Variants in ME3 observed in about 807,000 individuals in gnomAD.
ME3 encodes the protein NADP-dependent malic enzyme, mitochondrial.
In ME3, 48 loss-of-function variants were observed where a neutral mutation model predicts 68.9. The ratio of observed to expected loss-of-function variants is 0.70; its 90% CI spans 0.55 to 0.89. ME3 has a LOEUF of 0.89. Ranked by LOEUF, ME3 falls within the 40% of genes least tolerant of loss-of-function variation. The probability of loss-of-function intolerance (pLI) is 0.00; values close to 1 mark genes in which losing one functional copy is unlikely to be tolerated. For missense variants in ME3, 675 were observed against 797.4 expected (o/e 0.85, Z 1.85); for synonymous variants, 320 against 318.8 (o/e 1.00, Z -0.04).
chr11:86,573,890 A>G (rs1957941938), intron 2 of ME3, among the ~76,000 whole-genome samples: 1 of 152,186 alleles, frequency 6.6e-6, no homozygotes, highest in Admixed American at 6.5e-5. Flanking sequence ...TGAGATAATC[A>G]TGTGGTTATT....
chr11:86,537,145 G>C (rs1027199780), intron 4 of ME3, among the ~76,000 whole-genome samples: 7 of 149,196 alleles, frequency 4.7e-5, no homozygotes, highest in Non-Finnish European at 8.9e-5. Flanking sequence ...GTGGGGTGGG[G>C]GGATGGGGGA....
rs560780058 is a variant in ME3, at chr11:86,599,891, C to G, written c.184-40068G>C. Among the ~76,000 whole-genome samples the G allele has an allele frequency of 2.0e-4, 30 of 152,220 alleles. 1 individual carries two copies. In the South Asian group the frequency reaches 6.0e-3, roughly 31 times the overall value. On this transcript the variant is annotated intron_variant, in intron 2 of 14. Coordinates refer to ENST00000543262, the Ensembl canonical transcript of ME3. Reference sequence around the variant, plus strand: ...AGAAATAAAATCCTTTACAGACAAGCAAATGCTGAGAGATTTTGTCACCAC... The same window carrying G: ...AGAAATAAAATCCTTTACAGACAAGGAAATGCTGAGAGATTTTGTCACCAC...
chr11:86,515,845 T>G (rs1953861905), intron 4 of ME3, among the ~76,000 whole-genome samples: 1 of 152,162 alleles, frequency 6.6e-6, no homozygotes, highest in Admixed American at 6.5e-5. Flanking sequence ...AGTGGTATTA[T>G]CCTGCTCTGA....
chr11:86,460,911 A>T (rs1950195162), intron 8 of ME3, among the ~76,000 whole-genome samples: 2 of 152,258 alleles, frequency 1.3e-5, no homozygotes, highest in Admixed American at 1.3e-4. Context: ...CTTAACAATG[A>T]GAACACACAT....
chr11:86,648,102 A>T (rs893471665), intron 2 of ME3, among the ~76,000 whole-genome samples: 2 of 152,230 alleles, frequency 1.3e-5, no homozygotes, highest in African/African-American at 4.8e-5. Flanking sequence ...GGATTAAGAA[A>T]CTCACTCCAA....
chr11:86,475,851 GTATA>G lies in ME3; in HGVS notation c.810-10655_810-10652del, dbSNP rs68158647. ...CCACAGAAGGCATTCCTAATATTCAGTATATATATATATATATATATATAGAGAG... is the reference window on the plus strand; with the variant it reads ...CCACAGAAGGCATTCCTAATATTCAGTATATATATATATATATATAGAGAG... On this transcript the variant is annotated intron_variant, in intron 7 of 14. Transcript: ENST00000543262. 9.7e-3 allele frequency among the ~76,000 whole-genome samples: 1,112 copies of G among 114,540 alleles called. 6 individuals are homozygous for G. The highest frequency in any genetic ancestry group is 0.01 in the Non-Finnish European group (582 of 57,346). 75.1% of individuals were successfully genotyped at this position (114,540 alleles called of 152,430 possible).
intron 2 of ME3, among the ~76,000 whole-genome samples, chr11:86,617,691 T>A (rs1016884872): frequency 6.6e-6 from 1 of 152,206 alleles, no homozygotes; most frequent in Non-Finnish European, 1.5e-5. Context: ...AAAGGCAAAT[T>A]ATTTTAGTAT....
At chr11:86,562,554 AT>A (rs1215238129) in intron 2 of ME3, among the ~76,000 whole-genome samples, 1 of 152,078 alleles carries the variant, frequency 6.6e-6, no homozygotes, top group Non-Finnish European at 1.5e-5. Context: ...AGCAACTGGT[AT>A]TGTCAGTTTT....
chr11:86,498,098 G>A, exon 6 of ME3: 4 of 1,613,030 alleles, frequency 2.5e-6, no homozygotes, highest in Non-Finnish European at 3.4e-6. Context: ...GGCCCAGGAT[G>A]CGCTCCCCAT....
intron 2 of ME3, among the ~76,000 whole-genome samples, chr11:86,618,377 T>C (rs1370157636): frequency 6.7e-6 from 1 of 150,172 alleles, no homozygotes; most frequent in Admixed American, 6.7e-5. Context: ...TCAGTTTTCT[T>C]ACTCCAAAAA....
chr11:86,451,613 G>C (rs1339585593), intron 8 of ME3, among the ~76,000 whole-genome samples: 1 of 152,196 alleles, frequency 6.6e-6, no homozygotes, highest in Non-Finnish European at 1.5e-5. Context: ...CATTCCCTGG[G>C]GGGGACCATC....
At chr11:86,619,286 A>G (rs184440907) in intron 2 of ME3, among the ~76,000 whole-genome samples, 60 of 152,344 alleles carry the variant, frequency 3.9e-4, no homozygotes, top group African/African-American at 2.4e-4. Flanking sequence ...TAAATATGCA[A>G]TCTTGTTGGT....
chr11:86,489,588 TC>T (rs1951877854), intron 6 of ME3, among the ~76,000 whole-genome samples: 1 of 152,064 alleles, frequency 6.6e-6, no homozygotes, highest in Non-Finnish European at 1.5e-5. Flanking sequence ...GCCGCCACAC[TC>T]TCCCTGGATT....
chr11:86,638,450 C>A (rs1944476122), intron 2 of ME3, among the ~76,000 whole-genome samples: 1 of 152,058 alleles, frequency 6.6e-6, no homozygotes, highest in Non-Finnish European at 1.5e-5. Context: ...ATCACAACCA[C>A]AGCACACAAA....
intron 2 of ME3, among the ~76,000 whole-genome samples, chr11:86,602,114 C>T (rs1303733268): frequency 1.3e-5 from 2 of 150,720 alleles, no homozygotes; most frequent in Non-Finnish European, 2.9e-5. Context: ...GGCAATTAGG[C>T]AGGAGAAGGA....
chr11:86,614,470 T>C (rs1942814478), intron 2 of ME3, among the ~76,000 whole-genome samples: 1 of 152,176 alleles, frequency 6.6e-6, no homozygotes. Flanking sequence ...CCCTCTTTGC[T>C]CCATCTGAGC....
In ME3 at chr11:86,460,569, C is replaced by T. The variant is rs548213212; in HGVS notation, c.919+4522G>A. ...TAGTCTCATTTTCATGTGGGTTGCT[C>T]GATTCCAGCCCCCTCCATGTGTGGT... On this transcript the variant is annotated intron_variant, in intron 8 of 14. Coordinates refer to ENST00000543262, the Ensembl canonical transcript of ME3. Among the ~76,000 whole-genome samples the T allele has an allele frequency of 8.0e-4, 122 of 152,254 alleles. 2 individuals are homozygous for T. The South Asian group carries it at 0.013, about 16-fold the overall frequency.
In ME3 at chr11:86,482,704, C is replaced by G. The variant is rs117272333; in HGVS notation, c.809+4633G>C. ...TTCCACTCTTGTGTTCTTAGGAGCCCTAGACTATCATGTAAAACGTTCAGC... is the reference window on the plus strand; with the variant it reads ...TTCCACTCTTGTGTTCTTAGGAGCCGTAGACTATCATGTAAAACGTTCAGC... On this transcript the variant is annotated intron_variant, in intron 7 of 14. Coordinates refer to ENST00000543262, the Ensembl canonical transcript of ME3. Among the ~76,000 whole-genome samples, 973 of 151,772 alleles carry G rather than the reference C, an allele frequency of 6.4e-3. 2 individuals are homozygous for G. The highest frequency in any genetic ancestry group is 9.6e-3 in the Non-Finnish European group (649 of 67,956).
At position 86,448,587 on chromosome 11, in the gene ME3, C is replaced by A. The variant is rs574481123; in HGVS notation, c.1132-332G>T. 5.4e-4 allele frequency among the ~76,000 whole-genome samples: 82 copies of A among 152,260 alleles called. 1 individual carries two copies. In the South Asian group the frequency reaches 0.015, roughly 29 times the overall value. On this transcript the variant is annotated intron_variant, in intron 10 of 14. Transcript: ENST00000543262. Reference sequence around the variant, plus strand: ...GGGCAATGCCTGAGTCTCACCAAGACCCTTTGGCCCAAGGCATCCAGCACC... The same window carrying A: ...GGGCAATGCCTGAGTCTCACCAAGAACCTTTGGCCCAAGGCATCCAGCACC...
Sources: gnomAD v4.1 joint callset for allele counts (sites outside exome capture counted in the v4.1 genomes callset) on GRCh38, gnomAD v4.1.1 for gene constraint, MANE v1.5 for transcripts, NCBI Gene and HGNC (gene_info 2026-07-23, HGNC 2026-07-21) for gene names.